Variants in TGFB2 observed in about 807,000 individuals in gnomAD.
The protein encoded by TGFB2 is transforming growth factor beta-2 proprotein.
TGFB2 carries 13 observed loss-of-function variants against 42.7 expected under a neutral mutation model. The ratio of observed to expected loss-of-function variants is 0.30; its 90% CI spans 0.20 to 0.48. The LOEUF is 0.48. TGFB2 is among the 20% of genes least tolerant of loss of function. The pLI, the probability that TGFB2 is intolerant of heterozygous loss-of-function variation, is 0.99. For synonymous variants in TGFB2, 193 were observed against 193.6 expected, an observed-to-expected ratio of 1.00 and a Z score of 0.03; for missense variants, 390 against 517.5, an observed-to-expected ratio of 0.75 and a Z score of 2.39.
In TGFB2 at chr1:218,427,118, TA is replaced by T. The variant is rs763532136; in HGVS notation, c.511-6962del. ...AAAAATTATTGTGATAAAATATACA[TA>T]ATATAAACATTACAGTTTAACCATC... On this transcript the variant is annotated intron_variant, in intron 2 of 6. Transcript: ENST00000366930. Among the ~76,000 whole-genome samples, 69 of 152,146 alleles carry T rather than the reference TA, an allele frequency of 4.5e-4. 1 individual carries two copies. Among genetic ancestry groups the T allele is most frequent in the Non-Finnish European group, 7.2e-4 (49 of 68,032 alleles).
chr1:218,374,387 TACCATAACAGAAATAGC>T (rs1298716270), intron 1 of TGFB2, among the ~76,000 whole-genome samples: 1 of 152,116 alleles, frequency 6.6e-6, no homozygotes, highest in Non-Finnish European at 1.5e-5. Context: ...TGCACATATG[TACCATAACAGAAATAGC>T]ACCCCACGTA....
At position 218,402,610 on chromosome 1, in the gene TGFB2, A is replaced by T. The variant is rs535862562; in HGVS notation, c.347-2559A>T. ...AAATAAATCTCAAGAGCACTTATTT[A>T]CAAACTTGATGGAAGGATAAGATTG... On this transcript the variant is annotated intron_variant, in intron 1 of 6. Coordinates refer to ENST00000366930, the MANE Select transcript of TGFB2 (RefSeq NM_003238.6). Among the ~76,000 whole-genome samples, 7 of 152,352 alleles carry T rather than the reference A, an allele frequency of 4.6e-5. No individual in the cohort carries two copies. In the South Asian group the frequency reaches 1.5e-3, roughly 32 times the overall value.
chr1:218,394,205 G>A (rs985196545), intron 1 of TGFB2, among the ~76,000 whole-genome samples: 5 of 152,130 alleles, frequency 3.3e-5, no homozygotes, highest in African/African-American at 9.7e-5. Flanking sequence ...CACCGCACCC[G>A]GCCGGCATTG....
chr1:218,357,594 C>A (rs1657080498), intron 1 of TGFB2, among the ~76,000 whole-genome samples: 1 of 152,166 alleles, frequency 6.6e-6, no homozygotes, highest in Non-Finnish European at 1.5e-5. Flanking sequence ...CCTGATAAGT[C>A]AGAAATGTTT....
chr1:218,403,621 A>C (rs1658806669), intron 1 of TGFB2, among the ~76,000 whole-genome samples: 1 of 152,218 alleles, frequency 6.6e-6, no homozygotes, highest in Non-Finnish European at 1.5e-5. Context: ...CAACTATGCA[A>C]ACGGGATATT....
intron 1 of TGFB2, among the ~76,000 whole-genome samples, chr1:218,376,740 T>C (rs1052789571): frequency 1.3e-5 from 2 of 152,218 alleles, no homozygotes; most frequent in Admixed American, 6.5e-5. Flanking sequence ...TTGTTATTAC[T>C]ATATTATCCC....
intron 1 of TGFB2, among the ~76,000 whole-genome samples, chr1:218,392,409 T>A (rs903755693): frequency 6.6e-6 from 1 of 151,748 alleles, no homozygotes; most frequent in Non-Finnish European, 1.5e-5. Flanking sequence ...TAGGATCGAG[T>A]GGAAAGGGAA....
intron 2 of TGFB2, among the ~76,000 whole-genome samples, chr1:218,414,378 A>C (rs1659204579): frequency 6.6e-6 from 1 of 152,178 alleles, no homozygotes; most frequent in Non-Finnish European, 1.5e-5. Flanking sequence ...AAACAAACAA[A>C]CAAAAAGTCA....
intron 1 of TGFB2, among the ~76,000 whole-genome samples, chr1:218,374,945 T>G (rs1210221663): frequency 6.6e-6 from 1 of 152,166 alleles, no homozygotes; most frequent in Non-Finnish European, 1.5e-5. Flanking sequence ...CTTTAACACA[T>G]GCAGGCTTCA....
At chr1:218,439,965 G>T (rs923448728) in intron 6 of TGFB2, among the ~76,000 whole-genome samples, 1 of 152,144 alleles carries the variant, frequency 6.6e-6, no homozygotes, top group African/African-American at 2.4e-5. Flanking sequence ...AGTGAATCTC[G>T]AGGAAAAGGT....
intron 2 of TGFB2, among the ~76,000 whole-genome samples, chr1:218,407,789 A>G (rs1268192771): frequency 6.6e-6 from 1 of 152,102 alleles, no homozygotes; most frequent in Non-Finnish European, 1.5e-5. Flanking sequence ...GCCCCTCACC[A>G]CATACTATGC....
intron 2 of TGFB2, among the ~76,000 whole-genome samples, chr1:218,421,827 C>T (rs969025194): frequency 3.9e-5 from 6 of 152,100 alleles, no homozygotes; most frequent in Admixed American, 2.6e-4. Context: ...AAGACTCAGT[C>T]ACAGGGAGCC....
chr1:218,348,872 A>G (rs1377447586), intron 1 of TGFB2, among the ~76,000 whole-genome samples: 1 of 152,218 alleles, frequency 6.6e-6, no homozygotes, highest in East Asian at 1.9e-4. Flanking sequence ...GCACTTCTAT[A>G]ACACAGAAAG....
chr1:218,435,352 G>A (rs936794198), intron 4 of TGFB2, among the ~76,000 whole-genome samples: 1 of 152,176 alleles, frequency 6.6e-6, no homozygotes, highest in Non-Finnish European at 1.5e-5. Context: ...TCTTGAGCAT[G>A]CTTTGGGGAG....
chr1:218,403,062 C>A (rs1571873237), intron 1 of TGFB2, among the ~76,000 whole-genome samples: 1 of 152,342 alleles, frequency 6.6e-6, no homozygotes, highest in East Asian at 1.9e-4. Flanking sequence ...TGCTAGGGGG[C>A]TCCAAAAGCC....
At chr1:218,426,607 T>C (rs1472291272) in intron 2 of TGFB2, among the ~76,000 whole-genome samples, 2 of 152,210 alleles carry the variant, frequency 1.3e-5, no homozygotes, top group Non-Finnish European at 2.9e-5. Flanking sequence ...AACATCACTG[T>C]GGGTGGCAGC....
At chr1:218,361,798 G>A (rs918411502) in intron 1 of TGFB2, among the ~76,000 whole-genome samples, 1 of 152,188 alleles carries the variant, frequency 6.6e-6, no homozygotes, top group Non-Finnish European at 1.5e-5. Context: ...GGTTATTTGA[G>A]GGAATTTTCT....
At chr1:218,434,915 C>G (rs772369066) in intron 4 of TGFB2, among the ~76,000 whole-genome samples, 1 of 152,186 alleles carries the variant, frequency 6.6e-6, no homozygotes, top group Non-Finnish European at 1.5e-5. Flanking sequence ...GAACATTCCA[C>G]CTTTTCTAGT....
intron 2 of TGFB2, among the ~76,000 whole-genome samples, chr1:218,423,420 A>G (rs1659520470): frequency 6.6e-6 from 1 of 152,210 alleles, no homozygotes; most frequent in Admixed American, 6.5e-5. Context: ...ATGGGGAACT[A>G]GGGAAAGGGA....
Sources: allele counts gnomAD v4.1 joint callset (sites outside exome capture counted in the v4.1 genomes callset), GRCh38; gene constraint gnomAD v4.1.1; transcripts MANE v1.5; gene names NCBI Gene and HGNC (gene_info 2026-07-23, HGNC 2026-07-21).